The following ALPK1 variants were observed in gnomAD, a reference collection of about 807,000 sequenced individuals.
ALPK1 encodes the protein alpha kinase 1, also known as alpha-protein kinase 1.
A neutral mutation model predicts 120.6 loss-of-function variants in ALPK1; 110 were observed. The observed-to-expected ratio is 0.91, with a 90% confidence interval of 0.78 to 1.07. The LOEUF (loss-of-function observed/expected upper bound fraction) is 1.07. Ranked by LOEUF, ALPK1 falls within the 50% of genes least tolerant of loss-of-function variation. The pLI is 0.00. For synonymous variants in ALPK1, 582 were observed against 560.3 expected (o/e 1.04, Z -0.55); for missense variants, 1,498 against 1,483.9 (o/e 1.01, Z -0.16).
chr4:112,307,541 T>C (rs932858705), intron 1 of ALPK1, among the ~76,000 whole-genome samples: 1 of 152,114 alleles, frequency 6.6e-6, no homozygotes, highest in African/African-American at 2.4e-5. Context: ...TGGTTTAAAG[T>C]CTGTTTTATC....
intron 1 of ALPK1, among the ~76,000 whole-genome samples, chr4:112,301,657 A>G (rs983533522): frequency 6.6e-6 from 1 of 152,152 alleles, no homozygotes; most frequent in African/African-American, 2.4e-5. Context: ...TGTGATAGAG[A>G]CTTGTAGGAA....
At chr4:112,400,252 T>C (rs1222885320) in intron 4 of ALPK1, among the ~76,000 whole-genome samples, 1 of 152,122 alleles carries the variant, frequency 6.6e-6, no homozygotes. Flanking sequence ...GGAGATATAA[T>C]GTAAAGAAGG....
At chr4:112,357,767 G>T in intron 2 of ALPK1, 1 of 1,133,582 alleles carries the variant, frequency 8.8e-7, no homozygotes, top group Non-Finnish European at 1.3e-6. Flanking sequence ...AACATCGCCC[G>T]CATGGTGCCC....
chr4:112,417,511 C>G (rs574169471), intron 5 of ALPK1, among the ~76,000 whole-genome samples: 1 of 152,034 alleles, frequency 6.6e-6, no homozygotes, highest in Admixed American at 6.6e-5. Flanking sequence ...TTGGGGGACA[C>G]GATCTCACTC....
chr4:112,417,262 G>C (rs1025692885), intron 5 of ALPK1, among the ~76,000 whole-genome samples: 9 of 152,100 alleles, frequency 5.9e-5, no homozygotes, highest in African/African-American at 2.2e-4. Flanking sequence ...AACTTAGAAT[G>C]AAGAAGTGGA....
chr4:112,366,786 T>C (rs760192057), intron 2 of ALPK1, among the ~76,000 whole-genome samples: 1 of 152,182 alleles, frequency 6.6e-6, no homozygotes, highest in Admixed American at 6.5e-5. Context: ...TGCAAAAATA[T>C]GGAAACAGTC....
intron 4 of ALPK1, chr4:112,411,151 T>G (rs1733434038): frequency 6.5e-6 from 1 of 154,932 alleles, no homozygotes; most frequent in South Asian, 2.0e-4. Context: ...CAAGGAGAAT[T>G]GAAGCAGGAG....
In ALPK1 at chr4:112,442,151, C is replaced by A. The variant is rs1050513667; in HGVS notation, c.*941C>A. The stretch of plus-strand genomic sequence containing the variant: ...TCTTGTGAGAATTCATTCACTCTCA[C>A]GAGAACAGCATGGGAAAAACTGCCT... On this transcript the variant is annotated 3_prime_UTR_variant, in exon 16 of 16. Transcript: ENST00000650871. The A allele has an allele frequency of 6.6e-6, 1 of 152,140 alleles. No individual in the cohort carries two copies. The highest frequency in any genetic ancestry group is 1.5e-5 in the Non-Finnish European group (1 of 68,076). The allele number at this position is 152,140 out of a possible 1,614,324, so 9.4% of individuals were successfully genotyped here. A position where few individuals can be genotyped will look rare whatever the true frequency, so the allele number is the denominator to read the frequency against.
Position 112,438,549 on chromosome 4 carries a change from A to G in ALPK1, c.3254A>G (p.Gln1085Arg). ...CACCACTTCACTGATGTGGAGCGAC[A>G]GATGACCGCACAGCACTATGTGACA... ...LWHHFTDVER[Q>R]MTAQHYVTEF... The change falls in exon 13 of 16, where the codon CAG becomes CGG. Residue 1085 changes from glutamine (Q) to arginine (R), a missense_variant. By Grantham distance (43) the Gln-to-Arg change is conservative. Coordinates refer to ENST00000650871, the MANE Select transcript of ALPK1 (RefSeq NM_025144.4). The G allele has an allele frequency of 6.2e-7, 1 of 1,613,950 alleles. No individual in the cohort carries two copies. Among genetic ancestry groups the G allele is most frequent in the Non-Finnish European group, 8.5e-7 (1 of 1,179,852 alleles).
intron 5 of ALPK1, among the ~76,000 whole-genome samples, chr4:112,419,091 A>G (rs1733873848): frequency 6.6e-6 from 1 of 152,236 alleles, no homozygotes; most frequent in Non-Finnish European, 1.5e-5. Flanking sequence ...AATATTTTTT[A>G]AATGCCCATT....
intron 2 of ALPK1, among the ~76,000 whole-genome samples, chr4:112,336,905 A>G (rs1729643867): frequency 6.6e-6 from 1 of 152,182 alleles, no homozygotes; most frequent in South Asian, 2.1e-4. Flanking sequence ...AAATTTTTCC[A>G]CTTATTCTTA....
intron 2 of ALPK1, among the ~76,000 whole-genome samples, chr4:112,323,438 T>G (rs2110548307): frequency 6.6e-6 from 1 of 152,278 alleles, no homozygotes; most frequent in South Asian, 2.1e-4. Context: ...GTCTAATTCA[T>G]CCTTATATCA....
intron 1 of ALPK1, among the ~76,000 whole-genome samples, chr4:112,311,485 C>G (rs763481623): frequency 6.6e-6 from 1 of 152,154 alleles, no homozygotes; most frequent in Non-Finnish European, 1.5e-5. Context: ...GTTAGCATGA[C>G]TCCATCTCTC....
chr4:112,307,982 G>T (rs1175510118), intron 1 of ALPK1, among the ~76,000 whole-genome samples: 4 of 152,048 alleles, frequency 2.6e-5, no homozygotes, highest in African/African-American at 7.3e-5. Flanking sequence ...GTCTGTAAAG[G>T]ATTTTATTTC....
chr4:112,411,540 T>C (rs938241896), intron 4 of ALPK1, among the ~76,000 whole-genome samples: 3 of 152,350 alleles, frequency 2.0e-5, no homozygotes, highest in South Asian at 2.1e-4. Flanking sequence ...TTTTACCCTA[T>C]GCGCTTTAGT....
rs796698634 is a variant in ALPK1, at chr4:112,356,474, CCACTCG to C, written c.-100-21201_-100-21196del. The stretch of plus-strand genomic sequence containing the variant: ...CAAAGATCATTTACGCCTTTAGGAC[CCACTCG>C]CAACTCACACAGGTCATCAACAAAA... On this transcript the variant is annotated intron_variant, in intron 2 of 15. Transcript: ENST00000650871. 157 of 952,738 alleles carry C rather than the reference CCACTCG, an allele frequency of 1.6e-4. 1 individual carries two copies. In the African/African-American group the frequency reaches 2.1e-3, roughly 13 times the overall value. 59.0% of individuals were successfully genotyped at this position (952,738 alleles called of 1,614,324 possible).
In ALPK1 at chr4:112,432,089, GC is replaced by G; in HGVS notation, c.2544del (p.Ser849ProfsTer29). On this transcript the variant is annotated frameshift_variant, in exon 11 of 16. Transcript: ENST00000650871. LOFTEE classifies it high-confidence loss of function. ...CGCAGAGCAGGGCATCGACCCTGAT[GC>G]CTCCACAGTGGATGAGGAGGGGCAA... ...PVAEQGIDPD[A>X]STVDEEGQLL... is the part of the protein sequence containing the mutation. 6.2e-7 allele frequency: 1 copy of G among 1,614,118 alleles called. No individual in the cohort carries two copies. The highest frequency in any genetic ancestry group is 2.2e-5 in the East Asian group (1 of 44,874).
chr4:112,316,276 T>G (rs980776930), intron 2 of ALPK1: 1 of 152,222 alleles, frequency 6.6e-6, no homozygotes, highest in Admixed American at 6.5e-5. Flanking sequence ...GTACTTCATA[T>G]AAGTGATATC....
chr4:112,335,116 C>A (rs1052216238), intron 2 of ALPK1, among the ~76,000 whole-genome samples: 1 of 152,020 alleles, frequency 6.6e-6, no homozygotes, highest in African/African-American at 2.4e-5. Context: ...ACTAGCCAGG[C>A]GTGGTGGCAC....
Sources: gnomAD v4.1 joint callset for allele counts (sites outside exome capture counted in the v4.1 genomes callset) on GRCh38, gnomAD v4.1.1 for gene constraint, MANE v1.5 for transcripts, NCBI Gene and HGNC (gene_info 2026-07-23, HGNC 2026-07-21) for gene names.